Variants in MSN observed in about 807,000 individuals in gnomAD.
MSN encodes epididymis luminal protein 70.
MSN carries 2 observed loss-of-function variants against 48.0 expected under a neutral mutation model. The observed-to-expected ratio is 0.04, with a 90% CI of 0.02 to 0.13. The LOEUF (loss-of-function observed/expected upper bound fraction) is 0.13. Ranked by LOEUF, MSN falls within the 10% of genes least tolerant of loss-of-function variation. The pLI is 1.00. For synonymous variants in MSN, 146 were observed against 166.9 expected (o/e 0.87, Z 0.97); for missense variants, 267 against 470.1 (o/e 0.57, Z 3.99).
At chrX:65,637,424 A>C (rs1406252258) in intron 1 of MSN, among the ~76,000 whole-genome samples, 1 of 109,941 alleles carries the variant, frequency 9.1e-6, no homozygotes, top group Non-Finnish European at 1.9e-5. Flanking sequence ...AAAAAAAGAA[A>C]AGAAAGAAAA....
chrX:65,715,163 T>C (rs2071451304), intron 1 of MSN, among the ~76,000 whole-genome samples: 2 of 111,425 alleles, frequency 1.8e-5, no homozygotes, highest in African/African-American at 6.5e-5. Context: ...CTCTCTATTC[T>C]GCTCCATTGG....
At chrX:65,647,557 G>C (rs1027010131) in intron 1 of MSN, among the ~76,000 whole-genome samples, 2 of 112,616 alleles carry the variant, frequency 1.8e-5, no homozygotes, top group African/African-American at 6.4e-5. Flanking sequence ...CTGACATATG[G>C]TGGGTTTTAG....
At position 65,619,536 on chromosome X, in the gene MSN, C is replaced by T. The variant is rs1302641111; in HGVS notation, c.-22+30924C>T. Among the ~76,000 whole-genome samples the T allele has an allele frequency of 6.1e-5, 6 of 99,110 alleles. 1 individual carries two copies. Among genetic ancestry groups the T allele is most frequent in the Admixed American group, 2.0e-4 (2 of 10,085 alleles). 86.1% of individuals were successfully genotyped at this position (99,110 alleles called of 115,157 possible). A position where few individuals can be genotyped will look rare whatever the true frequency, so the allele number is the denominator to read the frequency against. On this transcript the variant is annotated intron_variant, in intron 1 of 3. Transcript: ENST00000609672. ...GCTTCTGCATTCTTCTCGTAGTTCT[C>T]GAGCCTTGGTTTTCAGCTCCATCAG... is the stretch of plus-strand genomic sequence containing the variant.
intron 1 of MSN, among the ~76,000 whole-genome samples, chrX:65,703,817 T>TCTC (rs201797986): frequency 0.014 from 1,523 of 112,011 alleles, 38 homozygotes; most frequent in African/African-American, 0.046. Context: ...AGCGGTCTGC[T>TCTC]TGCCTCACCC....
At chrX:65,621,686 C>T (rs746843521) in intron 1 of MSN, among the ~76,000 whole-genome samples, 1 of 111,970 alleles carries the variant, frequency 8.9e-6, no homozygotes, top group African/African-American at 3.2e-5. Flanking sequence ...GAATTTGCTA[C>T]AGATTGCATT....
chrX:65,593,611 C>T, intron 1 of MSN, among the ~76,000 whole-genome samples: 1 of 111,915 alleles, frequency 8.9e-6, no homozygotes, highest in East Asian at 2.8e-4. Flanking sequence ...GGCATGATCT[C>T]AGCTCACTGC....
Position 65,729,510 on chromosome X carries a change from G to A in MSN, c.265G>A (p.Val89Met). 8.3e-7 allele frequency: 1 copy of A among 1,211,812 alleles called. No individual in the cohort carries two copies. The highest frequency in any genetic ancestry group is 1.1e-6 in the Non-Finnish European group (1 of 895,538). ...KFRAKFYPED[V>M]SEELIQDITQ... ...CCGTGCCAAGTTCTACCCTGAGGAT[G>A]TGTCCGAGGAATTGATTCAGGACAT... is the stretch of plus-strand genomic sequence containing the variant. Residue 89 changes from valine (V) to methionine (M), a missense_variant, in exon 4 of 13, where the codon GTG (valine) becomes ATG (methionine). Coordinates refer to ENST00000360270, the MANE Select transcript of MSN (RefSeq NM_002444.3).
At chrX:65,636,767 A>C (rs1460030200) in intron 1 of MSN, among the ~76,000 whole-genome samples, 5 of 101,985 alleles carry the variant, frequency 4.9e-5, no homozygotes, top group African/African-American at 7.3e-5. Context: ...AAAAAAAAAA[A>C]AAAAAAACCA....
At chrX:65,588,730 AG>A in intron 1 of MSN, 1 of 499,715 alleles carries the variant, frequency 2.0e-6, no homozygotes, top group South Asian at 1.1e-4. Context: ...AACTCTTCTC[AG>A]GGGGTAGGGG....
At chrX:65,721,796 A>C (rs947929844) in intron 2 of MSN, among the ~76,000 whole-genome samples, 6 of 112,064 alleles carry the variant, frequency 5.4e-5, no homozygotes, top group African/African-American at 9.7e-5. Context: ...TTAGAACCCT[A>C]GCTAGGTTGG....
intron 1 of MSN, among the ~76,000 whole-genome samples, chrX:65,599,866 G>A (rs999909187): frequency 1.8e-5 from 2 of 111,001 alleles, no homozygotes; most frequent in African/African-American, 3.3e-5. Flanking sequence ...GGAGGAAAGG[G>A]AGGCTTTTGA....
rs191704616 is a variant in MSN at position 65,662,534 on chromosome X, G to A, written c.-21-54284G>A. The stretch of plus-strand genomic sequence containing the variant: ...ACGAGGTCGACAAAAACAAACAATA[G>A]GAAAGAACTCCCTATGTAATAAAAG... On this transcript the variant is annotated intron_variant, in intron 1 of 3. Coordinates refer to the MSN transcript ENST00000609672. 4.5e-5 allele frequency among the ~76,000 whole-genome samples: 5 copies of A among 112,132 alleles called. No individual in the cohort carries two copies. In the East Asian group the frequency reaches 8.4e-4, roughly 19 times the overall value.
chrX:65,671,719 C>T (rs1304080009), intron 1 of MSN, among the ~76,000 whole-genome samples: 4 of 111,820 alleles, frequency 3.6e-5, no homozygotes, highest in Admixed American at 9.4e-5. Flanking sequence ...ATTTCCTTTA[C>T]GCTTTTCTTT....
chrX:65,627,284 C>T (rs73629462), intron 1 of MSN, among the ~76,000 whole-genome samples: 1,581 of 109,555 alleles, frequency 0.014, 25 homozygotes, highest in African/African-American at 0.049. Flanking sequence ...ATGTATTAGT[C>T]CATATGTATT....
At chrX:65,699,497 C>A (rs2071279148) in intron 1 of MSN, among the ~76,000 whole-genome samples, 1 of 111,750 alleles carries the variant, frequency 8.9e-6, no homozygotes, top group Non-Finnish European at 1.9e-5. Context: ...CGCCTGTAAT[C>A]CCAGCACTTT....
chrX:65,612,015 A>T (rs1184756671), intron 1 of MSN, among the ~76,000 whole-genome samples: 4 of 112,091 alleles, frequency 3.6e-5, no homozygotes, highest in Non-Finnish European at 7.5e-5. Context: ...CTTTGAAGAA[A>T]TATCTATGCA....
At chrX:65,693,836 G>A (rs1316263628) in intron 1 of MSN, among the ~76,000 whole-genome samples, 3 of 111,457 alleles carry the variant, frequency 2.7e-5, no homozygotes, top group Non-Finnish European at 3.8e-5. Flanking sequence ...GGCAGATCAC[G>A]AGGTCAGGAG....
At chrX:65,721,407 C>G (rs1229932408) in intron 2 of MSN, among the ~76,000 whole-genome samples, 1 of 112,094 alleles carries the variant, frequency 8.9e-6, no homozygotes, top group Non-Finnish European at 1.9e-5. Context: ...TGGTGCATAC[C>G]AAGCATTCTA....
At chrX:65,664,035 G>A (rs538884056), upstream of MSN, among the ~76,000 whole-genome samples, 2 of 105,912 alleles carry the variant, frequency 1.9e-5, no homozygotes, top group East Asian at 5.9e-4. Flanking sequence ...ACTCCAGCCT[G>A]GGTGACAGAG....
Sources: gnomAD v4.1 joint callset for allele counts (sites outside exome capture counted in the v4.1 genomes callset) on GRCh38, gnomAD v4.1.1 for gene constraint, MANE v1.5 for transcripts, NCBI Gene and HGNC (gene_info 2026-07-23, HGNC 2026-07-21) for gene names.